The following BBS9 variants were observed in gnomAD, a reference collection of about 807,000 sequenced individuals.
BBS9 encodes Bardet-Biedl syndrome 9.
Under a neutral mutation model 117.7 loss-of-function variants are expected in BBS9, and 89 were observed. The observed-to-expected ratio is 0.76, with a 90% CI of 0.64 to 0.90. The LOEUF is 0.90. BBS9 is among the 40% of genes least tolerant of loss of function. The pLI is 0.00. For missense variants in BBS9, 982 were observed against 1,042.2 expected (o/e 0.94, Z 0.80); for synonymous variants, 379 against 370.9 (o/e 1.02, Z -0.25).
intron 19 of BBS9, among the ~76,000 whole-genome samples, chr7:33,417,105 A>G (rs1005506495): frequency 9.2e-5 from 14 of 152,218 alleles, no homozygotes; most frequent in African/African-American, 3.4e-4. Context: ...ACGTTTTAAC[A>G]ATAGTTGTTA....
intron 1 of BBS9, among the ~76,000 whole-genome samples, chr7:33,137,788 T>C (rs1427137288): frequency 6.6e-6 from 1 of 152,212 alleles, no homozygotes; most frequent in Non-Finnish European, 1.5e-5. Context: ...TTCAATAAAT[T>C]ATCGTCTACA....
chr7:33,510,702 C>T (rs1846821818), intron 20 of BBS9, among the ~76,000 whole-genome samples: 1 of 152,148 alleles, frequency 6.6e-6, no homozygotes, highest in African/African-American at 2.4e-5. Flanking sequence ...AATAAGAACA[C>T]ACTGGCTGTA....
At chr7:33,276,044 G>A (rs1369048133) in intron 9 of BBS9, among the ~76,000 whole-genome samples, 1 of 152,070 alleles carries the variant, frequency 6.6e-6, no homozygotes, top group African/African-American at 2.4e-5. Context: ...ATTGCCATTA[G>A]TATTTTCCAC....
intron 5 of BBS9, among the ~76,000 whole-genome samples, chr7:33,247,357 G>T (rs1795505322): frequency 6.6e-6 from 1 of 152,064 alleles, no homozygotes; most frequent in Admixed American, 6.6e-5. Flanking sequence ...CCAGGGGTCT[G>T]GGATAAGGAT....
intron 19 of BBS9, among the ~76,000 whole-genome samples, chr7:33,412,862 T>G (rs1831381836): frequency 6.6e-6 from 1 of 152,254 alleles, no homozygotes; most frequent in Admixed American, 6.5e-5. Flanking sequence ...TATAAAGTAC[T>G]TCATCTTTTC....
At chr7:33,350,555 A>G (rs866307681) in intron 13 of BBS9, among the ~76,000 whole-genome samples, 1 of 152,106 alleles carries the variant, frequency 6.6e-6, no homozygotes, top group African/African-American at 2.4e-5. Flanking sequence ...CCTTCAGTCT[A>G]TGTTCTACCC....
chr7:33,203,717 A>ACTTTT (rs113024677), intron 5 of BBS9, among the ~76,000 whole-genome samples: 22 of 150,740 alleles, frequency 1.5e-4, no homozygotes, highest in East Asian at 2.0e-4. Context: ...TTGGAACACT[A>ACTTTT]CTTTTCTTTT....
rs771777721 is a variant in BBS9, at chr7:33,383,786, C to T, written c.1910C>T (p.Ser637Leu). 13 of 1,612,508 alleles carry T rather than the reference C, an allele frequency of 8.1e-6. No individual in the cohort carries two copies. Among genetic ancestry groups the T allele is most frequent in the African/African-American group, 4.0e-5 (3 of 74,854 alleles). Residue 637 changes from serine (S) to leucine (L), a missense_variant, in exon 18 of 23, where the codon TCG becomes TTG. Physicochemically the swap from Ser to Leu is moderately radical, Grantham distance 145. Coordinates refer to ENST00000242067, the MANE Select transcript of BBS9 (RefSeq NM_198428.3). ...QGVKDFACSF[S>L]GSIPLQEYFE... is the part of the protein sequence containing the mutation. ...GTCAAAGATTTTGCATGTTCTTTTT[C>T]GGGATCTATACCCCTTCAAGAATAT...
At chr7:33,504,627 C>T (rs539631487) in intron 19 of BBS9, among the ~76,000 whole-genome samples, 1 of 152,130 alleles carries the variant, frequency 6.6e-6, no homozygotes, top group Non-Finnish European at 1.5e-5. Flanking sequence ...CGCCTTGAGC[C>T]TCTGCGGCAG....
At chr7:33,171,481 C>A (rs1376741256) in intron 4 of BBS9, among the ~76,000 whole-genome samples, 1 of 152,126 alleles carries the variant, frequency 6.6e-6, no homozygotes, top group Non-Finnish European at 1.5e-5. Context: ...GCTTTAATTA[C>A]ATATATCAAC....
chr7:33,537,859 C>G (rs890105078), intron 21 of BBS9, among the ~76,000 whole-genome samples: 5 of 152,148 alleles, frequency 3.3e-5, no homozygotes, highest in Non-Finnish European at 5.9e-5. Flanking sequence ...ATGAGTGGGC[C>G]TAACTCATGA....
chr7:33,600,894 C>T lies in BBS9; in HGVS notation c.2522-3971C>T, dbSNP rs542880039. Among the ~76,000 whole-genome samples the T allele has an allele frequency of 2.7e-4, 41 of 152,336 alleles. No homozygotes were observed. The South Asian group carries it at 8.3e-3, about 31-fold the overall frequency. On this transcript the variant is annotated intron_variant, in intron 21 of 22. Coordinates refer to ENST00000242067, the MANE Select transcript of BBS9 (RefSeq NM_198428.3). ...CTGCCTCTTACTCTCTCAGTTCCGTCTCTTCAGGGAGCCCTGGCTATGGAA... is the reference window on the plus strand; with the variant it reads ...CTGCCTCTTACTCTCTCAGTTCCGTTTCTTCAGGGAGCCCTGGCTATGGAA...
At chr7:33,545,453 T>C (rs1853150816) in intron 21 of BBS9, among the ~76,000 whole-genome samples, 1 of 152,118 alleles carries the variant, frequency 6.6e-6, no homozygotes, top group Non-Finnish European at 1.5e-5. Flanking sequence ...AGTCGGAAAC[T>C]TCTCCCACAA....
chr7:33,193,615 T>C (rs1439195928), intron 5 of BBS9, among the ~76,000 whole-genome samples: 1 of 152,130 alleles, frequency 6.6e-6, no homozygotes, highest in Non-Finnish European at 1.5e-5. Context: ...ACGTACTGTT[T>C]TGACGGTTGG....
intron 20 of BBS9, among the ~76,000 whole-genome samples, chr7:33,525,953 A>G (rs56809458): frequency 0.14 from 21,461 of 151,090 alleles, 1,842 homozygotes; most frequent in African/African-American, 0.23. Flanking sequence ...GGTGGTGACA[A>G]AATCTCTCAG....
intron 19 of BBS9, among the ~76,000 whole-genome samples, chr7:33,426,803 A>G (rs773832128): frequency 6.6e-6 from 1 of 152,138 alleles, no homozygotes; most frequent in Non-Finnish European, 1.5e-5. Context: ...TTGGGAGACA[A>G]TTCTGCTGGG....
At chr7:33,167,564 A>G (rs933204137) in intron 4 of BBS9, among the ~76,000 whole-genome samples, 1 of 151,936 alleles carries the variant, frequency 6.6e-6, no homozygotes, top group Non-Finnish European at 1.5e-5. Context: ...CACCATGTCC[A>G]GCTAATTTTT....
intron 5 of BBS9, among the ~76,000 whole-genome samples, chr7:33,223,210 T>A (rs906135026): frequency 2.0e-5 from 3 of 152,166 alleles, no homozygotes; most frequent in Non-Finnish European, 4.4e-5. Context: ...TTATTGTGTA[T>A]AACAGGATGT....
chr7:33,331,677 C>CCA (rs971731692), intron 9 of BBS9, among the ~76,000 whole-genome samples: 7 of 129,140 alleles, frequency 5.4e-5, no homozygotes, highest in Admixed American at 1.5e-4. Context: ...AAAAAAAAAA[C>CCA]CACACACACA....
Sources: allele counts gnomAD v4.1 joint callset (sites outside exome capture counted in the v4.1 genomes callset), GRCh38; gene constraint gnomAD v4.1.1; transcripts MANE v1.5; gene names NCBI Gene and HGNC (gene_info 2026-07-23, HGNC 2026-07-21).